Variants in HECW1 observed in about 807,000 individuals in gnomAD.
HECW1 encodes the protein E3 ubiquitin-protein ligase HECW1.
HECW1 carries 61 observed loss-of-function variants against 182.3 expected under a neutral mutation model. That is an observed-to-expected ratio of 0.33 (90% CI 0.27 to 0.41). The LOEUF (loss-of-function observed/expected upper bound fraction) is 0.41, where lower values mean the gene tolerates loss of function less well. Among genes scored for constraint, HECW1 ranks in the 10% least tolerant of loss-of-function variants. The probability of loss-of-function intolerance (pLI) is 1.00; values close to 1 mark genes in which losing one functional copy is unlikely to be tolerated. For synonymous variants in HECW1, 859 were observed against 832.6 expected, an observed-to-expected ratio of 1.03 and a Z score of -0.55; for missense variants, 1,739 against 2,108.9, an observed-to-expected ratio of 0.82 and a Z score of 3.44.
At chr7:43,495,792 C>T (rs554805933) in intron 19 of HECW1, among the ~76,000 whole-genome samples, 1 of 152,310 alleles carries the variant, frequency 6.6e-6, no homozygotes, top group South Asian at 2.1e-4. Context: ...CTTTGACTCA[C>T]CTAACAACCC....
At chr7:43,174,938 G>T (rs929765312) in intron 2 of HECW1, among the ~76,000 whole-genome samples, 4 of 151,938 alleles carry the variant, frequency 2.6e-5, no homozygotes, top group Non-Finnish European at 2.9e-5. Context: ...TATAATATTT[G>T]AACAAAAGGA....
intron 6 of HECW1, among the ~76,000 whole-genome samples, chr7:43,387,428 T>C (rs2074844817): frequency 2.0e-5 from 3 of 152,204 alleles, no homozygotes; most frequent in Admixed American, 2.0e-4. Flanking sequence ...TTAAATACTT[T>C]TTACAAAGGA....
At chr7:43,451,567 G>A (rs2077237195) in intron 12 of HECW1, among the ~76,000 whole-genome samples, 2 of 152,138 alleles carry the variant, frequency 1.3e-5, no homozygotes, top group Middle Eastern at 6.8e-3. Flanking sequence ...ATCTCTCAGG[G>A]ACTTAGTTTT....
chr7:43,543,555 G>A (rs535884036), intron 26 of HECW1, among the ~76,000 whole-genome samples: 2 of 152,226 alleles, frequency 1.3e-5, no homozygotes, highest in East Asian at 1.9e-4. Context: ...GAGGTGGGCA[G>A]ATCACCTGAG....
intron 2 of HECW1, among the ~76,000 whole-genome samples, chr7:43,133,569 A>G (rs1214227435): frequency 6.6e-6 from 1 of 151,820 alleles, no homozygotes; most frequent in South Asian, 2.1e-4. Context: ...CCTGTTTATT[A>G]GTAGCTTTAA....
intron 2 of HECW1, among the ~76,000 whole-genome samples, chr7:43,178,005 T>G (rs1202434711): frequency 6.6e-6 from 1 of 152,164 alleles, no homozygotes; most frequent in Non-Finnish European, 1.5e-5. Context: ...TGGGCAGGGT[T>G]TTTTTGGTTT....
At chr7:43,250,445 C>T (rs962955854) in intron 3 of HECW1, among the ~76,000 whole-genome samples, 1 of 152,168 alleles carries the variant, frequency 6.6e-6, no homozygotes, top group Non-Finnish European at 1.5e-5. Flanking sequence ...GCAAACAGGT[C>T]TCTGGCCTCC....
intron 2 of HECW1, among the ~76,000 whole-genome samples, chr7:43,156,560 G>A (rs891737761): frequency 2.6e-5 from 4 of 152,054 alleles, no homozygotes; most frequent in African/African-American, 4.8e-5. Context: ...GGCTTGATTC[G>A]TGTCAGAAAA....
rs568807225 is a variant in HECW1 at position 43,395,478 on chromosome 7, A to G, written c.556-1336A>G. Among the ~76,000 whole-genome samples the G allele has an allele frequency of 6.6e-5, 10 of 151,950 alleles. No homozygotes were observed. In the South Asian group the frequency reaches 2.1e-3, roughly 32 times the overall value. On this transcript the variant is annotated intron_variant, in intron 6 of 29. Coordinates refer to ENST00000395891, the MANE Select transcript of HECW1 (RefSeq NM_015052.5). ...CACCTCAGGACCTATGAGAGTTTTG[A>G]CTCACCAATCCTGGCCATGTTTTAC...
chr7:43,311,012 G>A (rs1808433106), intron 3 of HECW1, among the ~76,000 whole-genome samples: 1 of 152,162 alleles, frequency 6.6e-6, no homozygotes, highest in South Asian at 2.1e-4. Context: ...TGCCCAAAAC[G>A]AGTTAGTGCT....
chr7:43,385,059 G>A lies in HECW1; in HGVS notation c.556-11755G>A, dbSNP rs574851295. On this transcript the variant is annotated intron_variant, in intron 6 of 29. Transcript: ENST00000395891. ...GTTCTGGAAGGACAATAATTACAAGGAGTTTCATAATTTGTAAGAAAAAGA... is the reference window on the plus strand; with the variant it reads ...GTTCTGGAAGGACAATAATTACAAGAAGTTTCATAATTTGTAAGAAAAAGA... Among the ~76,000 whole-genome samples, 11 of 152,056 alleles carry A rather than the reference G, an allele frequency of 7.2e-5. No individual in the cohort carries two copies. The South Asian group carries it at 2.1e-3, about 29-fold the overall frequency.
chr7:43,533,595 C>T (rs565265780), intron 24 of HECW1, among the ~76,000 whole-genome samples: 3 of 151,818 alleles, frequency 2.0e-5, no homozygotes, highest in South Asian at 2.1e-4. Flanking sequence ...TTTCGACAGA[C>T]GTTTGTGCTC....
intron 3 of HECW1, among the ~76,000 whole-genome samples, chr7:43,281,713 C>CTT (rs55860415): frequency 0.012 from 899 of 77,366 alleles, 67 homozygotes; most frequent in African/African-American, 0.043. Flanking sequence ...TCTTTGCTTT[C>CTT]TTTTTTTTTT....
intron 29 of HECW1, among the ~76,000 whole-genome samples, chr7:43,558,443 G>T (rs559703042): frequency 2.3e-4 from 35 of 152,162 alleles, no homozygotes; most frequent in Non-Finnish European, 4.7e-4. Context: ...GTTAGTAGTT[G>T]GTTTACTCTG....
intron 12 of HECW1, among the ~76,000 whole-genome samples, chr7:43,456,006 GA>G (rs900245502): frequency 3.0e-4 from 43 of 143,152 alleles, no homozygotes; most frequent in South Asian, 1.1e-3. Flanking sequence ...GTCTCAAAAA[GA>G]AAAAAAAAAA....
At chr7:43,556,450 G>A in intron 29 of HECW1, among the ~76,000 whole-genome samples, 1 of 152,320 alleles carries the variant, frequency 6.6e-6, no homozygotes, top group East Asian at 1.9e-4. Context: ...ACTGTGGGAG[G>A]CTAAGGCAGG....
At chr7:43,539,569 T>A (rs137903211) in intron 24 of HECW1, among the ~76,000 whole-genome samples, 3 of 152,370 alleles carry the variant, frequency 2.0e-5, no homozygotes, top group East Asian at 3.9e-4. Context: ...AAAATAGTAA[T>A]CTCATTTAAT....
chr7:43,442,426 C>T (rs1344471176), intron 9 of HECW1, 103 bp from the exon 10 acceptor site: 8 of 759,158 alleles, frequency 1.1e-5, no homozygotes, highest in Non-Finnish European at 1.9e-5. Context: ...ATCAGGACTT[C>T]CCTGGGCTTG....
intron 5 of HECW1, among the ~76,000 whole-genome samples, chr7:43,327,961 ATATTATTAT>A (rs4049927): frequency 1.7e-4 from 25 of 146,200 alleles, no homozygotes; most frequent in African/African-American, 4.5e-4. Context: ...TGAACCATTT[ATATTATTAT>A]TATTATTATT....
Sources: gnomAD v4.1 joint callset for allele counts (sites outside exome capture counted in the v4.1 genomes callset) on GRCh38, gnomAD v4.1.1 for gene constraint, MANE v1.5 for transcripts, NCBI Gene and HGNC (gene_info 2026-07-23, HGNC 2026-07-21) for gene names.